Variants in KMT2A observed in about 807,000 individuals in gnomAD.
The protein encoded by KMT2A is lysine methyltransferase 2A.
A neutral mutation model predicts 345.3 loss-of-function variants in KMT2A; 16 were observed. The observed-to-expected ratio is 0.05, with a 90% CI of 0.03 to 0.07. The LOEUF is 0.07. Ranked by LOEUF, KMT2A falls within the 10% of genes least tolerant of loss-of-function variation. The probability of loss-of-function intolerance (pLI) is 1.00; values close to 1 mark genes in which losing one functional copy is unlikely to be tolerated. For missense variants in KMT2A, 3,272 were observed against 4,841.6 expected, an observed-to-expected ratio of 0.68 and a Z score of 9.62; for synonymous variants, 1,599 against 1,778.6, an observed-to-expected ratio of 0.90 and a Z score of 2.54.
At chr11:118,465,544 T>C (rs1325390967) in intron 1 of KMT2A, among the ~76,000 whole-genome samples, 1 of 152,166 alleles carries the variant, frequency 6.6e-6, no homozygotes, top group East Asian at 1.9e-4. Context: ...AGTGCTCAAA[T>C]AAAAAATGAA....
intron 8 of KMT2A, among the ~76,000 whole-genome samples, chr11:118,483,721 A>G (rs868979454): frequency 6.6e-6 from 1 of 152,120 alleles, no homozygotes; most frequent in Non-Finnish European, 1.5e-5. Context: ...CCTTCCCTGT[A>G]TTCACTATTT....
rs1327440091 is a variant in KMT2A at position 118,496,214 on chromosome 11, T to C, written c.5558-47T>C. On this transcript the variant is annotated intron_variant, in intron 19 of 35. Coordinates refer to ENST00000534358, the MANE Select transcript of KMT2A (RefSeq NM_001197104.2). This position sits in a 1 kb window ranked among gnomAD's most constrained non-coding sequence, Gnocchi z 4.7. ...TTGAAATCAGACATAGTATTGCCAA[T>C]TTTAACTGGATCTCAAGGTATTGAT... is the stretch of plus-strand genomic sequence containing the variant. 7.3e-7 allele frequency: 1 copy of C among 1,376,502 alleles called. No individual in the cohort carries two copies. 85.3% of individuals were successfully genotyped at this position (1,376,502 alleles called of 1,614,324 possible). A position where few individuals can be genotyped will look rare whatever the true frequency, so the allele number is the denominator to read the frequency against.
chr11:118,449,711 T>G (rs1555028246), intron 1 of KMT2A: 2 of 152,230 alleles, frequency 1.3e-5, no homozygotes, highest in African/African-American at 4.8e-5. Context: ...CAAACTGACT[T>G]TATGGAGAGA....
Position 118,506,200 on chromosome 11 carries a change from G to C in KMT2A, c.10308G>C (p.Gln3436His), listed in dbSNP as rs2134411634. 2 of 1,614,126 alleles carry C rather than the reference G, an allele frequency of 1.2e-6. No individual in the cohort carries two copies. The highest frequency in any genetic ancestry group is 1.7e-6 in the Non-Finnish European group (2 of 1,180,012). ...GCATCTGTGTGCTCCCCTCCACTCAGACTACGGGCATAACAGCCGCTTCAC... is the reference window on the plus strand; with the variant it reads ...GCATCTGTGTGCTCCCCTCCACTCACACTACGGGCATAACAGCCGCTTCAC... ...ASSICVLPST[Q>H]TTGITAASPS... The change falls in exon 27 of 36, where the codon CAG (glutamine) becomes CAC (histidine). Residue 3436 changes from glutamine (Q) to histidine (H), a missense_variant. By Grantham distance (24) the Gln-to-His change is conservative. Transcript: ENST00000534358.
intron 1 of KMT2A, among the ~76,000 whole-genome samples, chr11:118,451,824 G>T (rs1555029058): frequency 1.3e-5 from 2 of 152,050 alleles, no homozygotes; most frequent in East Asian, 3.9e-4. Flanking sequence ...AGCTTAAAAT[G>T]TAGCAGGAAT....
At chr11:118,512,974 CA>C (rs1207287758) in intron 31 of KMT2A, among the ~76,000 whole-genome samples, 4 of 152,174 alleles carry the variant, frequency 2.6e-5, no homozygotes, top group African/African-American at 9.7e-5. Context: ...TGCTGTGGCT[CA>C]CACCTGTAAT....
At chr11:118,457,423 C>T (rs782508679) in intron 1 of KMT2A, among the ~76,000 whole-genome samples, 7 of 151,566 alleles carry the variant, frequency 4.6e-5, no homozygotes, top group South Asian at 2.1e-4. Flanking sequence ...CCCACCACCA[C>T]GCCTGGCTAA....
chr11:118,503,753 C>T lies in KMT2A; in HGVS notation c.7861C>T (p.Arg2621Cys), dbSNP rs1950538935. The T allele has an allele frequency of 6.2e-7, 1 of 1,614,198 alleles. No homozygotes were observed. Among genetic ancestry groups the T allele is most frequent in the African/African-American group, 1.3e-5 (1 of 75,034 alleles). The change falls in exon 27 of 36, where the codon CGT (arginine) becomes TGT (cysteine). Residue 2621 changes from arginine to cysteine, a missense_variant. Coordinates refer to ENST00000534358, the MANE Select transcript of KMT2A (RefSeq NM_001197104.2). This position sits in a 1 kb window ranked among gnomAD's most constrained non-coding sequence, Gnocchi z 5.3. ...EDGSFKRRYPRRSARARSNMF... is the reference protein window; with the variant it reads ...EDGSFKRRYPCRSARARSNMF... ...TGGCTCTTTTAAAAGGAGGTATCCC[C>T]GTCGCAGTGCCCGTGCACGTTCTAA...
chr11:118,474,268 A>G lies in KMT2A; in HGVS notation c.3109A>G (p.Ile1037Val). 1 of 1,614,184 alleles carries G rather than the reference A, an allele frequency of 6.2e-7. No individual in the cohort carries two copies. Among genetic ancestry groups the G allele is most frequent in the South Asian group, 1.1e-5 (1 of 91,074 alleles). The change falls in exon 3 of 36, where the codon ATT becomes GTT. Residue 1037 changes from isoleucine (I) to valine (V), a missense_variant. Physicochemically the swap from Ile to Val is conservative, Grantham distance 29 (BLOSUM62 3). Coordinates refer to ENST00000534358, the MANE Select transcript of KMT2A (RefSeq NM_001197104.2). ...AAAGGCCAAAGCTCAGCTCTGCAAG[A>G]TTGAGAAGAGTAAGAGTCTTAAACA... is the stretch of plus-strand genomic sequence containing the variant. Reference protein sequence around the residue: ...LKKAKAQLCKIEKSKSLKQTD... With the variant: ...LKKAKAQLCKVEKSKSLKQTD...
In KMT2A at chr11:118,495,691, T is replaced by G; in HGVS notation, c.5364-9T>G. ...TTCAATAAATGCTTGTTGAATCAAT[T>G]ATTTTCAGCAGTGGGATGTTACCAA... On this transcript the variant is annotated splice_polypyrimidine_tract_variant and intron_variant, in intron 18 of 35. Coordinates refer to ENST00000534358, the MANE Select transcript of KMT2A (RefSeq NM_001197104.2). This position sits in a 1 kb window ranked among gnomAD's most constrained non-coding sequence, Gnocchi z 4.1. 1.3e-6 allele frequency: 2 copies of G among 1,597,076 alleles called. No individual in the cohort carries two copies. Among genetic ancestry groups the G allele is most frequent in the Non-Finnish European group, 8.5e-7 (1 of 1,170,498 alleles).
At position 118,472,956 on chromosome 11, in the gene KMT2A, T is replaced by C. The variant is rs1180761616; in HGVS notation, c.1797T>C (p.Ala599=). The C allele has an allele frequency of 1.2e-6, 2 of 1,614,002 alleles. No individual in the cohort carries two copies. The highest frequency in any genetic ancestry group is 3.3e-5 in the Admixed American group (2 of 59,990). Residue 599 remains alanine (A), a synonymous_variant, in exon 3 of 36, where the codon GCT becomes GCC. Coordinates refer to ENST00000534358, the MANE Select transcript of KMT2A (RefSeq NM_001197104.2). ...TIPLASPFLP[A]STAPMQGKRK... ...CCTTAGCATCACCATTTTTGCCTGC[T>C]TCCACTGCTCCTATGCAAGGGAAGC...
rs1555047594 is a variant in KMT2A, at chr11:118,505,133, C to T, written c.9241C>T (p.Leu3081Phe). Residue 3081 changes from leucine to phenylalanine, a missense_variant, in exon 27 of 36, where the codon CTC becomes TTC. Leu to Phe is a conservative substitution (Grantham distance 22, BLOSUM62 0). Transcript: ENST00000534358. This position sits in a 1 kb window ranked among gnomAD's most constrained non-coding sequence, Gnocchi z 4.6. Reference sequence around the variant, plus strand: ...CCACCTGAAGCCAGCCACTGAGAAACTCATAGTTGTTAACCAGAACATGCA... The same window carrying T: ...CCACCTGAAGCCAGCCACTGAGAAATTCATAGTTGTTAACCAGAACATGCA... ...PPHLKPATEK[L>F]IVVNQNMQPL... 10 of 1,614,208 alleles carry T rather than the reference C, an allele frequency of 6.2e-6. No homozygotes were observed. The highest frequency in any genetic ancestry group is 8.5e-6 in the Non-Finnish European group (10 of 1,180,028).
In KMT2A at chr11:118,523,394, C is replaced by T; in HGVS notation, c.*1222C>T. 1 of 229,494 alleles carries T rather than the reference C, an allele frequency of 4.4e-6. No homozygotes were observed. The allele number at this position is 229,494 out of a possible 1,614,324, so 14.2% of individuals were successfully genotyped here. ...AACTCTGCCACCTGCGTGCAACCCA[C>T]AGCTAAAGTAAATTCAATGACACTA... is the stretch of plus-strand genomic sequence containing the variant. On this transcript the variant is annotated 3_prime_UTR_variant, in exon 36 of 36. Coordinates refer to ENST00000534358, the MANE Select transcript of KMT2A (RefSeq NM_001197104.2).
chr11:118,440,742 A>G (rs1283755806), intron 1 of KMT2A, among the ~76,000 whole-genome samples: 1 of 151,834 alleles, frequency 6.6e-6, no homozygotes, highest in African/African-American at 2.4e-5. Context: ...GGACTTGAAA[A>G]GATAGTACTC....
chr11:118,436,909 T>C lies in KMT2A; in HGVS notation c.397T>C (p.Phe133Leu). The C allele has an allele frequency of 1.3e-6, 2 of 1,571,544 alleles. No individual in the cohort carries two copies. Among genetic ancestry groups the C allele is most frequent in the Non-Finnish European group, 1.7e-6 (2 of 1,156,910 alleles). The change falls in exon 1 of 36, where the codon TTT (phenylalanine) becomes CTT (leucine). Residue 133 changes from phenylalanine to leucine, a missense_variant. Physicochemically the swap from Phe to Leu is conservative, Grantham distance 22. This residue lies in a region of KMT2A where 412 missense variants were observed against 511.0 expected (regional missense o/e 0.81). Transcript: ENST00000534358. The surrounding 1 kb of genome is among the most constrained non-coding windows in gnomAD (Gnocchi z 6.9). The stretch of plus-strand genomic sequence containing the variant: ...CAACCTGCGCCGGTTCCGGGCCGTG[T>C]TTGGGGAGAGCGGCGGGGGAGGCGG... Reference protein sequence around the residue: ...GTNLRRFRAVFGESGGGGGSG... With the variant: ...GTNLRRFRAVLGESGGGGGSG...
In KMT2A at chr11:118,526,450, T is replaced by C. The variant is rs1336287165; in HGVS notation, c.*4278T>C. On this transcript the variant is annotated 3_prime_UTR_variant, in exon 36 of 36. Transcript: ENST00000534358. Reference sequence around the variant, plus strand: ...AGTCTCTTTAGTAAATACAGGTAGTTGAATAATTGTTTCAAGAGCTCAACA... The same window carrying C: ...AGTCTCTTTAGTAAATACAGGTAGTCGAATAATTGTTTCAAGAGCTCAACA... 2.6e-5 allele frequency: 6 copies of C among 229,000 alleles called. No individual in the cohort carries two copies. Among genetic ancestry groups the C allele is most frequent in the Non-Finnish European group, 4.3e-5 (5 of 115,650 alleles). The allele number at this position is 229,000 out of a possible 1,614,324, so 14.2% of individuals were successfully genotyped here.
At position 118,521,677 on chromosome 11, in the gene KMT2A, C is replaced by G. The variant is rs1443254281; in HGVS notation, c.11644-220C>G. On this transcript the variant is annotated intron_variant, in intron 35 of 35. Transcript: ENST00000534358. The surrounding 1 kb of genome is among the most constrained non-coding windows in gnomAD (Gnocchi z 5.3). ...ATAGCTATACAAGTTTTAGGTTTCT[C>G]TCTCCTGCAGAGACATTAGAAACCT... Among the ~76,000 whole-genome samples, 1 of 152,172 alleles carries G rather than the reference C, an allele frequency of 6.6e-6. No homozygotes were observed. Among genetic ancestry groups the G allele is most frequent in the Non-Finnish European group, 1.5e-5 (1 of 68,030 alleles).
At chr11:118,480,043 G>T in intron 5 of KMT2A, 131 bp from the exon 6 acceptor site, 1 of 695,758 alleles carries the variant, frequency 1.4e-6, no homozygotes, top group Non-Finnish European at 2.5e-6. Context: ...GTAATGAGCA[G>T]TCCTTTTTTC....
chr11:118,491,183 G>C lies in KMT2A; in HGVS notation c.4697-13G>C. The C allele has an allele frequency of 6.2e-7, 1 of 1,612,460 alleles. No individual in the cohort carries two copies. The highest frequency in any genetic ancestry group is 1.1e-5 in the South Asian group (1 of 90,712). ...GAGCCAAAGCACTGCTGTAAACTTT[G>C]CTTTGCTTTCAGGAAACTTCTGCCC... On this transcript the variant is annotated splice_polypyrimidine_tract_variant and intron_variant, in intron 13 of 35. Transcript: ENST00000534358. This position sits in a 1 kb window ranked among gnomAD's most constrained non-coding sequence, Gnocchi z 4.2.
Sources: allele counts gnomAD v4.1 joint callset (sites outside exome capture counted in the v4.1 genomes callset), GRCh38; gene constraint gnomAD v4.1.1; regional missense constraint gnomAD v4.1.1; non-coding constraint Gnocchi (gnomAD v3.1); transcripts MANE v1.5; gene names NCBI Gene and HGNC (gene_info 2026-07-23, HGNC 2026-07-21).